RBFOX2: variants seen among roughly 807,000 people sequenced by gnomAD.
RBFOX2 encodes the protein RNA binding fox-1 homolog 2.
Under a neutral mutation model 49.1 loss-of-function variants are expected in RBFOX2, and 10 were observed. The observed-to-expected ratio is 0.20, with a 90% CI of 0.13 to 0.35. RBFOX2 has a LOEUF of 0.35. Ranked by LOEUF, RBFOX2 falls within the 10% of genes least tolerant of loss-of-function variation. The pLI is 1.00. For missense variants in RBFOX2, 323 were observed against 486.9 expected, an observed-to-expected ratio of 0.66 and a Z score of 3.17; for synonymous variants, 183 against 187.4, an observed-to-expected ratio of 0.98 and a Z score of 0.19.
chr22:35,969,971 T>G (rs566521701), intron 1 of RBFOX2, among the ~76,000 whole-genome samples: 1 of 152,284 alleles, frequency 6.6e-6, no homozygotes, highest in African/African-American at 2.4e-5. Context: ...TCTGATAAAT[T>G]GTAGGAGATA....
upstream of RBFOX2, among the ~76,000 whole-genome samples, chr22:35,940,705 T>C (rs1216021143): frequency 1.3e-5 from 2 of 152,172 alleles, no homozygotes; most frequent in Non-Finnish European, 2.9e-5. Context: ...CGTCGATTGA[T>C]GAATGGATAA....
chr22:35,926,313 A>G (rs1250870603), intron 1 of RBFOX2, among the ~76,000 whole-genome samples: 1 of 152,192 alleles, frequency 6.6e-6, no homozygotes, highest in African/African-American at 2.4e-5. Flanking sequence ...TGCCCTAACC[A>G]AGTCTAGTCA....
chr22:35,897,573 C>T (rs2048014407), intron 1 of RBFOX2: 24 of 936,388 alleles, frequency 2.6e-5, no homozygotes, highest in Non-Finnish European at 4.1e-5. Context: ...AGATGTACTT[C>T]ACCAGGTCAA....
At chr22:35,791,339 C>T (rs1249258169) in intron 2 of RBFOX2, among the ~76,000 whole-genome samples, 4 of 150,514 alleles carry the variant, frequency 2.7e-5, no homozygotes, top group South Asian at 2.1e-4. Context: ...GAGCCGAGAT[C>T]GCACCATTGC....
chr22:35,769,581 TAA>T (rs527779151), intron 4 of RBFOX2, among the ~76,000 whole-genome samples: 25 of 152,172 alleles, frequency 1.6e-4, no homozygotes, highest in Non-Finnish European at 2.6e-4. Context: ...TGCAAAGTGG[TAA>T]AGTCTTAGGA....
chr22:35,740,929 AGCT>A (rs1438049906), exon 12 of RBFOX2: 3 of 152,222 alleles, frequency 2.0e-5, no homozygotes, highest in African/African-American at 7.2e-5. Context: ...TTTGAGGAAA[AGCT>A]GCTATCGATG....
intron 1 of RBFOX2, among the ~76,000 whole-genome samples, chr22:35,912,916 T>G (rs897368291): frequency 6.6e-6 from 1 of 152,198 alleles, no homozygotes; most frequent in African/African-American, 2.4e-5. Context: ...CCTCTTAACC[T>G]GTTTTGTAAT....
At chr22:35,770,425 CACAT>C (rs1454549810) in intron 4 of RBFOX2, among the ~76,000 whole-genome samples, 3 of 152,066 alleles carry the variant, frequency 2.0e-5, no homozygotes, top group African/African-American at 7.2e-5. Context: ...TCTACACACC[CACAT>C]ACAAATATAC....
At chr22:35,875,932 T>C (rs1435777627) in intron 1 of RBFOX2, among the ~76,000 whole-genome samples, 1 of 152,190 alleles carries the variant, frequency 6.6e-6, no homozygotes, top group African/African-American at 2.4e-5. Flanking sequence ...CCAATTCTAA[T>C]ACAAATTTTG....
chr22:35,927,519 G>A (rs1345834213), intron 1 of RBFOX2, among the ~76,000 whole-genome samples: 1 of 147,644 alleles, frequency 6.8e-6, no homozygotes, highest in Non-Finnish European at 1.5e-5. Flanking sequence ...CAGGAGAATT[G>A]CTTGAACCTG....
chr22:35,850,116 G>T (rs1181342647), intron 1 of RBFOX2, among the ~76,000 whole-genome samples: 1 of 151,244 alleles, frequency 6.6e-6, no homozygotes. Flanking sequence ...GATGGGACTG[G>T]TATTACTACT....
At chr22:35,746,608 G>C in intron 9 of RBFOX2, 47 bp from the exon 12 acceptor site, 1 of 1,297,412 alleles carries the variant, frequency 7.7e-7, no homozygotes, top group Non-Finnish European at 1.0e-6. Context: ...CTCCCCCCAG[G>C]TGTACAGAAA....
At chr22:35,923,998 C>A (rs761326603) in intron 1 of RBFOX2, among the ~76,000 whole-genome samples, 7 of 151,646 alleles carry the variant, frequency 4.6e-5, no homozygotes, top group Non-Finnish European at 4.4e-5. Context: ...CAAATATCAA[C>A]CCTGGAATTT....
intron 2 of RBFOX2, among the ~76,000 whole-genome samples, chr22:35,808,530 G>A (rs1275819023): frequency 6.6e-6 from 1 of 152,176 alleles, no homozygotes; most frequent in Non-Finnish European, 1.5e-5. Context: ...TATGCAGACT[G>A]TAGAACATTT....
At chr22:35,751,717 A>G (rs1051512930) in intron 9 of RBFOX2, among the ~76,000 whole-genome samples, 1 of 152,192 alleles carries the variant, frequency 6.6e-6, no homozygotes, top group Non-Finnish European at 1.5e-5. Flanking sequence ...GTCTCCTTTG[A>G]AAAGTACTTA....
intron 1 of RBFOX2, among the ~76,000 whole-genome samples, chr22:35,892,502 T>C (rs542468842): frequency 2.6e-5 from 4 of 152,314 alleles, no homozygotes; most frequent in East Asian, 1.9e-4. Flanking sequence ...ATGAAAATGC[T>C]TGGATAAGCT....
At chr22:35,938,775 C>CT in intron 1 of RBFOX2, 72 bp downstream of exon 2, 1 of 1,421,604 alleles carries the variant, frequency 7.0e-7, no homozygotes, top group Non-Finnish European at 9.9e-7. Context: ...GAAATGCTCT[C>CT]TATCATAGCA....
intron 1 of RBFOX2, among the ~76,000 whole-genome samples, chr22:35,818,012 A>C (rs1328480419): frequency 1.3e-5 from 2 of 152,020 alleles, no homozygotes; most frequent in Non-Finnish European, 2.9e-5. Context: ...TCAGAGGGAA[A>C]AGCCAGTCCG....
Position 36,013,249 on chromosome 22 carries a change from G to C in RBFOX2, c.186+14991C>G, listed in dbSNP as rs576859709. Reference sequence around the variant, plus strand: ...GATTTCGCCACTGCACTCCAGCCTGGGTGACAGAGTGAGACCCTCTAAAAG... The same window carrying C: ...GATTTCGCCACTGCACTCCAGCCTGCGTGACAGAGTGAGACCCTCTAAAAG... On this transcript the variant is annotated intron_variant, in intron 1 of 13. Coordinates refer to the RBFOX2 transcript ENST00000438146. Among the ~76,000 whole-genome samples the C allele has an allele frequency of 1.3e-4, 20 of 151,756 alleles. 1 individual carries two copies. In the South Asian group the frequency reaches 3.5e-3, roughly 27 times the overall value.
Sources: gnomAD v4.1 joint callset for allele counts (sites outside exome capture counted in the v4.1 genomes callset) on GRCh38, gnomAD v4.1.1 for gene constraint, MANE v1.5 for transcripts, NCBI Gene and HGNC (gene_info 2026-07-23, HGNC 2026-07-21) for gene names.